The following ELOVL5 variants were observed in gnomAD, a reference collection of about 807,000 sequenced individuals.
ELOVL5 encodes very long chain fatty acid elongase 5.
ELOVL5 carries 8 observed loss-of-function variants against 38.6 expected under a neutral mutation model. The observed-to-expected ratio is 0.21, with a 90% CI of 0.12 to 0.37. The LOEUF is 0.37. ELOVL5 is among the 10% of genes least tolerant of loss of function. ELOVL5 has a pLI of 1.00. For missense variants in ELOVL5, 280 were observed against 367.8 expected, an observed-to-expected ratio of 0.76 and a Z score of 1.95; for synonymous variants, 127 against 133.7, an observed-to-expected ratio of 0.95 and a Z score of 0.34.
intron 1 of ELOVL5, among the ~76,000 whole-genome samples, chr6:53,327,343 G>A (rs149539005): frequency 1.3e-5 from 2 of 152,274 alleles, no homozygotes; most frequent in Admixed American, 1.3e-4. Flanking sequence ...TCCCTTAAAA[G>A]TCCTCCTCCT....
intron 1 of ELOVL5, among the ~76,000 whole-genome samples, chr6:53,300,445 C>T (rs753807358): frequency 3.3e-5 from 5 of 149,752 alleles, no homozygotes; most frequent in Non-Finnish European, 7.4e-5. Context: ...ACGTACAATA[C>T]GATATGCAAA....
chr6:53,340,688 TGTG>T (rs1314482377), intron 1 of ELOVL5, among the ~76,000 whole-genome samples: 1 of 152,224 alleles, frequency 6.6e-6, no homozygotes, highest in African/African-American at 2.4e-5. Flanking sequence ...CTAGGAGCAA[TGTG>T]GTATATCATA....
chr6:53,304,992 G>C (rs1490245500), intron 1 of ELOVL5, among the ~76,000 whole-genome samples: 2 of 151,784 alleles, frequency 1.3e-5, no homozygotes, highest in Non-Finnish European at 2.9e-5. Context: ...TCACTTCCCA[G>C]TAGGGGCGGC....
At chr6:53,348,014 G>GCA (rs1432980865) in intron 1 of ELOVL5, among the ~76,000 whole-genome samples, 2 of 115,244 alleles carry the variant, frequency 1.7e-5, no homozygotes, top group Non-Finnish European at 4.0e-5. Context: ...CCGGCGCAGA[G>GCA]CACAACCGCC....
intron 1 of ELOVL5, among the ~76,000 whole-genome samples, chr6:53,338,884 G>T (rs1769199723): frequency 1.3e-5 from 2 of 152,134 alleles, no homozygotes. Flanking sequence ...GTATACAAAG[G>T]CAGTGATACC....
intron 1 of ELOVL5, among the ~76,000 whole-genome samples, chr6:53,301,275 G>A (rs1240999290): frequency 1.3e-5 from 2 of 152,030 alleles, no homozygotes; most frequent in Admixed American, 6.5e-5. Flanking sequence ...TCAATAACCC[G>A]AATCACACTA....
chr6:53,326,413 C>T lies in ELOVL5; in HGVS notation c.-9+22404G>A, dbSNP rs76263977. On this transcript the variant is annotated intron_variant, in intron 1 of 7. Coordinates refer to ENST00000304434, the MANE Select transcript of ELOVL5 (RefSeq NM_021814.5). Reference sequence around the variant, plus strand: ...CTTGGCTTAGAGGCCCTTTCACACCCAGGCCCATACCTGCTTTCCCTAGCC... The same window carrying T: ...CTTGGCTTAGAGGCCCTTTCACACCTAGGCCCATACCTGCTTTCCCTAGCC... Among the ~76,000 whole-genome samples the T allele has an allele frequency of 4.3e-3, 657 of 152,284 alleles. 7 individuals are homozygous for T. The highest frequency in any genetic ancestry group is 0.015 in the African/African-American group (634 of 41,552).
intron 1 of ELOVL5, among the ~76,000 whole-genome samples, chr6:53,335,517 A>G (rs1339397870): frequency 6.6e-6 from 1 of 151,218 alleles, no homozygotes; most frequent in Non-Finnish European, 1.5e-5. Flanking sequence ...CACCAGTCTG[A>G]TTTAGGTGTC....
At position 53,287,788 on chromosome 6, in the gene ELOVL5, G is replaced by A. The variant is rs926554224; in HGVS notation, c.246+3988C>T. On this transcript the variant is annotated intron_variant, in intron 3 of 7. Coordinates refer to ENST00000304434, the MANE Select transcript of ELOVL5 (RefSeq NM_021814.5). ...GAAAGGCCGGAGTGCCTCCTTCTGAGGAAAGGAGCCAGCCATCCTTTCAAC... is the reference window on the plus strand; with the variant it reads ...GAAAGGCCGGAGTGCCTCCTTCTGAAGAAAGGAGCCAGCCATCCTTTCAAC... The A allele has an allele frequency of 1.3e-4, 174 of 1,346,888 alleles. 2 individuals are homozygous for A. The East Asian group carries it at 1.3e-3, about 10-fold the overall frequency. The allele number at this position is 1,346,888 out of a possible 1,614,324, so 83.4% of individuals were successfully genotyped here. A position where few individuals can be genotyped will look rare whatever the true frequency, so the allele number is the denominator to read the frequency against.
rs2127566362 is a variant in ELOVL5 at position 53,273,277 on chromosome 6, T to C, written c.564A>G (p.Ser188=). The change falls in exon 6 of 8, where the codon TCA becomes TCG. Residue 188 remains serine (S), a synonymous_variant. Transcript: ENST00000304434. ...AGAGGTATGGACGCATGGAAGGGACTGACGACAAACCATAGTAAGAGTACA... is the reference window on the plus strand; with the variant it reads ...AGAGGTATGGACGCATGGAAGGGACCGACGACAAACCATAGTAAGAGTACA... ...VLMYSYYGLS[S]VPSMRPYLWW... The C allele has an allele frequency of 1.2e-6, 2 of 1,613,884 alleles. No individual in the cohort carries two copies. Among genetic ancestry groups the C allele is most frequent in the Non-Finnish European group, 1.7e-6 (2 of 1,179,830 alleles).
chr6:53,272,043 A>G (rs1488093233), intron 6 of ELOVL5, among the ~76,000 whole-genome samples: 3 of 152,232 alleles, frequency 2.0e-5, no homozygotes, highest in African/African-American at 7.2e-5. Flanking sequence ...AACAAGGACC[A>G]TATAGCAGCT....
intron 1 of ELOVL5, among the ~76,000 whole-genome samples, chr6:53,324,961 C>G (rs1344133619): frequency 6.6e-6 from 1 of 152,172 alleles, no homozygotes; most frequent in Non-Finnish European, 1.5e-5. Flanking sequence ...TCTTCAATGG[C>G]TGGGGCGGAC....
intron 1 of ELOVL5, among the ~76,000 whole-genome samples, chr6:53,339,139 C>T (rs1335772593): frequency 6.6e-6 from 1 of 152,126 alleles, no homozygotes; most frequent in East Asian, 1.9e-4. Context: ...GGGGGAAAAT[C>T]CTGCTACAAT....
chr6:53,288,793 T>C (rs1294894404), intron 3 of ELOVL5, among the ~76,000 whole-genome samples: 1 of 152,208 alleles, frequency 6.6e-6, no homozygotes, highest in Non-Finnish European at 1.5e-5. Context: ...TGGCCAGATG[T>C]AGTGGCTCAT....
intron 2 of ELOVL5, among the ~76,000 whole-genome samples, chr6:53,294,884 T>G (rs955541944): frequency 3.3e-5 from 5 of 152,178 alleles, no homozygotes; most frequent in Admixed American, 2.6e-4. Context: ...CAAAAGGGCA[T>G]GTGCATTTTA....
At chr6:53,320,637 C>T (rs1216832892) in intron 1 of ELOVL5, among the ~76,000 whole-genome samples, 3 of 151,988 alleles carry the variant, frequency 2.0e-5, no homozygotes, top group Non-Finnish European at 4.4e-5. Context: ...CCCCACATTT[C>T]TTAACTTTTG....
At chr6:53,273,429 C>A in intron 5 of ELOVL5, 85 bp from the exon 6 acceptor site, 1 of 1,264,080 alleles carries the variant, frequency 7.9e-7, no homozygotes, top group Non-Finnish European at 1.1e-6. Context: ...ATACAAGATT[C>A]TTTTTGAATC....
intron 1 of ELOVL5, among the ~76,000 whole-genome samples, chr6:53,324,130 G>A (rs1768411362): frequency 6.6e-6 from 1 of 151,620 alleles, no homozygotes; most frequent in South Asian, 2.1e-4. Context: ...GCACACGCTT[G>A]TAATCCCAGC....
chr6:53,313,798 G>A (rs1767932745), intron 1 of ELOVL5, among the ~76,000 whole-genome samples: 1 of 152,134 alleles, frequency 6.6e-6, no homozygotes, highest in South Asian at 2.1e-4. Context: ...GCACTGAGAA[G>A]CAAAAAAGGG....
Sources: allele counts gnomAD v4.1 joint callset (sites outside exome capture counted in the v4.1 genomes callset), GRCh38; gene constraint gnomAD v4.1.1; transcripts MANE v1.5; gene names NCBI Gene and HGNC (gene_info 2026-07-23, HGNC 2026-07-21).